The following EGFLAM variants were observed in gnomAD, a reference collection of about 807,000 sequenced individuals.
The protein encoded by EGFLAM is pikachurin.
EGFLAM carries 79 observed loss-of-function variants against 113.1 expected under a neutral mutation model. The ratio of observed to expected loss-of-function variants is 0.70; its 90% CI spans 0.58 to 0.84. The LOEUF is 0.84. EGFLAM is among the 40% of genes least tolerant of loss of function. The pLI, the probability that EGFLAM is intolerant of heterozygous loss-of-function variation, is 0.00. For synonymous variants in EGFLAM, 504 were observed against 487.6 expected (o/e 1.03, Z -0.44); for missense variants, 1,265 against 1,291.6 (o/e 0.98, Z 0.32).
At chr5:38,306,802 A>C (rs10057784) in intron 1 of EGFLAM, among the ~76,000 whole-genome samples, 32,511 of 152,106 alleles carry the variant, frequency 0.21, 4,661 homozygotes, top group African/African-American at 0.4. Context: ...ATATTTAGTC[A>C]ATTTCAGGCC....
At chr5:38,264,829 G>A (rs1312875234) in intron 1 of EGFLAM, among the ~76,000 whole-genome samples, 1 of 152,192 alleles carries the variant, frequency 6.6e-6, no homozygotes, top group East Asian at 1.9e-4. Context: ...TAGGGACCTA[G>A]CACACTCATC....
In EGFLAM at chr5:38,350,636, T is replaced by G; in HGVS notation, c.409+18T>G. The G allele has an allele frequency of 6.2e-7, 1 of 1,607,490 alleles. No homozygotes were observed. The highest frequency in any genetic ancestry group is 8.5e-7 in the Non-Finnish European group (1 of 1,175,210). On this transcript the variant is annotated intron_variant, in intron 4 of 21. Transcript: ENST00000322350. Reference sequence around the variant, plus strand: ...GTCCCAAGGTAAAGTAGGTTCAAATTCATTAATAGGTGGCAGGCTGCTATC... The same window carrying G: ...GTCCCAAGGTAAAGTAGGTTCAAATGCATTAATAGGTGGCAGGCTGCTATC...
chr5:38,344,029 C>G (rs1345264478), intron 3 of EGFLAM, among the ~76,000 whole-genome samples: 3 of 152,192 alleles, frequency 2.0e-5, no homozygotes, highest in Admixed American at 1.3e-4. Flanking sequence ...AGGACAGCCT[C>G]TAGCCTTATT....
At chr5:38,387,625 G>C (rs1313997557) in intron 6 of EGFLAM, among the ~76,000 whole-genome samples, 2 of 152,246 alleles carry the variant, frequency 1.3e-5, no homozygotes, top group African/African-American at 2.4e-5. Flanking sequence ...TTCCCTCTCT[G>C]ATGGAGAATG....
chr5:38,280,510 CCT>C (rs1004210762), intron 1 of EGFLAM, among the ~76,000 whole-genome samples: 2 of 152,152 alleles, frequency 1.3e-5, no homozygotes, highest in Non-Finnish European at 1.5e-5. Flanking sequence ...CCCCCCGATT[CCT>C]CTCTCCTTTA....
chr5:38,396,063 T>TTTTTTTTTTTTTTTTTTTTTTTTTTTTG (rs1482050151), intron 6 of EGFLAM, among the ~76,000 whole-genome samples: 1 of 152,078 alleles, frequency 6.6e-6, no homozygotes, highest in African/African-American at 2.4e-5. Context: ...ACCCACTCTT[T>TTTTTTTTTTTTTTTTTTTTTTTTTTTTG]AAAAGCCTCC....
At chr5:38,262,189 A>C (rs1262532627) in intron 1 of EGFLAM, among the ~76,000 whole-genome samples, 1 of 152,188 alleles carries the variant, frequency 6.6e-6, no homozygotes, top group Non-Finnish European at 1.5e-5. Flanking sequence ...TGCTGGTCCC[A>C]TCACCTGAGT....
intron 1 of EGFLAM, among the ~76,000 whole-genome samples, chr5:38,285,092 G>A (rs2111769666): frequency 6.6e-6 from 1 of 152,254 alleles, no homozygotes; most frequent in South Asian, 2.1e-4. Flanking sequence ...TTAAGGGGAT[G>A]ATATTCACGT....
intron 5 of EGFLAM, among the ~76,000 whole-genome samples, chr5:38,362,324 G>A (rs1739944832): frequency 6.6e-6 from 1 of 152,196 alleles, no homozygotes; most frequent in South Asian, 2.1e-4. Flanking sequence ...TCATAACTAA[G>A]TGAACTGCCA....
At chr5:38,365,410 T>A (rs12656188) in intron 5 of EGFLAM, among the ~76,000 whole-genome samples, 7,144 of 152,242 alleles carry the variant, frequency 0.047, 186 homozygotes, top group East Asian at 0.082. Context: ...CAGAGCATAT[T>A]TGAGGTTGAA....
intron 1 of EGFLAM, among the ~76,000 whole-genome samples, chr5:38,325,837 G>A (rs546157655): frequency 7.2e-5 from 11 of 151,980 alleles, no homozygotes; most frequent in Admixed American, 2.6e-4. Context: ...GGAAGGAAGA[G>A]GAAAGAGATT....
intron 6 of EGFLAM, 23 bp from the exon 7 acceptor site, chr5:38,406,103 G>C (rs1272266063): frequency 1.3e-6 from 2 of 1,588,428 alleles, no homozygotes; most frequent in Admixed American, 3.3e-5. Flanking sequence ...CTGATGAAGG[G>C]TGTGCTGCTT....
At chr5:38,271,411 T>C (rs1209319926) in intron 1 of EGFLAM, among the ~76,000 whole-genome samples, 4 of 152,346 alleles carry the variant, frequency 2.6e-5, no homozygotes, top group East Asian at 1.9e-4. Context: ...TTGCATTTAA[T>C]ATTCTTTTCT....
At chr5:38,357,600 A>T (rs1471441897) in intron 5 of EGFLAM, among the ~76,000 whole-genome samples, 1 of 152,146 alleles carries the variant, frequency 6.6e-6, no homozygotes. Context: ...GTGAGCCAAA[A>T]GGTCCTTATT....
intron 19 of EGFLAM, 199 bp downstream of exon 19, chr5:38,451,657 C>T (rs1742918106): frequency 1.4e-6 from 1 of 730,612 alleles, no homozygotes; most frequent in African/African-American, 1.8e-5. Flanking sequence ...AAACTATGGC[C>T]TGCAGGCCAA....
chr5:38,458,203 A>G (rs1036280868), intron 19 of EGFLAM, 108 bp from the exon 20 acceptor site: 17 of 927,216 alleles, frequency 1.8e-5, no homozygotes, highest in African/African-American at 1.8e-4. Flanking sequence ...AGGAAACTGC[A>G]CTCTGAGTTG....
chr5:38,269,241 G>T (rs1757706695), intron 1 of EGFLAM, among the ~76,000 whole-genome samples: 2 of 152,210 alleles, frequency 1.3e-5, no homozygotes, highest in South Asian at 2.1e-4. Flanking sequence ...ATTAAATAGA[G>T]TGAGTTTCTA....
At chr5:38,417,844 C>T (rs766127143) in intron 11 of EGFLAM, among the ~76,000 whole-genome samples, 19 of 151,952 alleles carry the variant, frequency 1.3e-4, no homozygotes, top group African/African-American at 4.6e-4. Flanking sequence ...TTCCAAAATC[C>T]TCCCTTCTGG....
intron 10 of EGFLAM, among the ~76,000 whole-genome samples, 192 bp downstream of exon 10, chr5:38,409,296 G>A (rs549221592): frequency 1.3e-5 from 2 of 152,198 alleles, no homozygotes; most frequent in African/African-American, 2.4e-5. Context: ...TAAAACTTGG[G>A]TTTTGGAAAT....
Sources: allele counts gnomAD v4.1 joint callset (sites outside exome capture counted in the v4.1 genomes callset), GRCh38; gene constraint gnomAD v4.1.1; transcripts MANE v1.5; gene names NCBI Gene and HGNC (gene_info 2026-07-23, HGNC 2026-07-21).